The following CDC42BPB variants were observed in gnomAD, a reference collection of about 807,000 sequenced individuals.
CDC42BPB encodes the protein serine/threonine-protein kinase MRCK beta.
A neutral mutation model predicts 214.9 loss-of-function variants in CDC42BPB; 37 were observed. That is an observed-to-expected ratio of 0.17 (90% CI 0.13 to 0.23). The LOEUF (loss-of-function observed/expected upper bound fraction) is 0.23, where lower values mean the gene tolerates loss of function less well. Ranked by LOEUF, CDC42BPB falls within the 10% of genes least tolerant of loss-of-function variation. CDC42BPB has a pLI of 1.00. For synonymous variants in CDC42BPB, 931 were observed against 884.0 expected, an observed-to-expected ratio of 1.05 and a Z score of -0.94; for missense variants, 1,694 against 2,227.0, an observed-to-expected ratio of 0.76 and a Z score of 4.82.
chr14:102,937,465 T>A (rs957273722), intron 36 of CDC42BPB, among the ~76,000 whole-genome samples: 1 of 152,218 alleles, frequency 6.6e-6, no homozygotes, highest in Non-Finnish European at 1.5e-5. Flanking sequence ...GGCTGAGATG[T>A]GTGGTGGAGA....
At chr14:102,950,427 C>T (rs1269125096) in intron 25 of CDC42BPB, 39 bp downstream of exon 25, 1 of 1,609,032 alleles carries the variant, frequency 6.2e-7, no homozygotes, top group Non-Finnish European at 8.5e-7. Context: ...CTGCACCTCA[C>T]AGGCACCGAG....
intron 5 of CDC42BPB, among the ~76,000 whole-genome samples, chr14:102,990,807 G>A (rs1894459075): frequency 6.6e-6 from 1 of 152,194 alleles, no homozygotes; most frequent in Non-Finnish European, 1.5e-5. Context: ...GAGTCGGCTA[G>A]AATGCCAAAT....
chr14:102,940,578 A>C, intron 30 of CDC42BPB: 2 of 960,132 alleles, frequency 2.1e-6, no homozygotes, highest in South Asian at 1.9e-5. Context: ...TACAGTACAG[A>C]TGTTGAAGGT....
rs1296717945 is a variant in CDC42BPB, at chr14:102,968,256, T to C, written c.2343A>G (p.Glu781=). The stretch of plus-strand genomic sequence containing the variant: ...TCAGGTACTTTGAATTAATTACCTT[T>C]TCATTTTCAGCAGTTAGCTTCTTGT... ...DENKKLTAEN[E]KLCSFVDKLT... Residue 781 remains glutamate, a synonymous_variant, in exon 16 of 37, where the codon GAA becomes GAG. Coordinates refer to ENST00000361246, the MANE Select transcript of CDC42BPB (RefSeq NM_006035.4). 4 of 1,610,358 alleles carry C rather than the reference T, an allele frequency of 2.5e-6. No individual in the cohort carries two copies. Among genetic ancestry groups the C allele is most frequent in the African/African-American group, 2.7e-5 (2 of 74,848 alleles).
intron 19 of CDC42BPB, chr14:102,963,426 T>G: frequency 3.3e-6 from 1 of 299,742 alleles, no homozygotes; most frequent in Non-Finnish European, 4.9e-6. Flanking sequence ...CCTAATCTTG[T>G]TCCCAGGCGA....
At chr14:103,027,420 A>G (rs1887113679) in intron 1 of CDC42BPB, among the ~76,000 whole-genome samples, 1 of 152,270 alleles carries the variant, frequency 6.6e-6, no homozygotes, top group South Asian at 2.1e-4. Context: ...AAATTTGTAC[A>G]TGAATATTCA....
intron 25 of CDC42BPB, chr14:102,950,177 G>A (rs1892421194): frequency 2.3e-6 from 2 of 872,374 alleles, no homozygotes; most frequent in Non-Finnish European, 2.8e-6. Flanking sequence ...TCGTAGAGGT[G>A]GGCCTGGCAC....
chr14:102,936,891 G>A (rs141385818), intron 36 of CDC42BPB: 47 of 152,292 alleles, frequency 3.1e-4, no homozygotes, highest in African/African-American at 1.1e-3. Context: ...AGTTATTTTG[G>A]GCCCGGTGTG....
At chr14:102,951,576 G>A (rs1488781277) in intron 24 of CDC42BPB, among the ~76,000 whole-genome samples, 1 of 152,070 alleles carries the variant, frequency 6.6e-6, no homozygotes, top group Non-Finnish European at 1.5e-5. Flanking sequence ...ATCACTTGAG[G>A]TCAGGAGTTC....
Position 102,944,722 on chromosome 14 carries a change from G to A in CDC42BPB, c.3812-235C>T. The A allele has an allele frequency of 1.0e-6, 1 of 959,912 alleles. No individual in the cohort carries two copies. The highest frequency in any genetic ancestry group is 4.8e-5 in the South Asian group (1 of 20,728). The allele number at this position is 959,912 out of a possible 1,614,324, so 59.5% of individuals were successfully genotyped here. A position where few individuals can be genotyped will look rare whatever the true frequency, so the allele number is the denominator to read the frequency against. On this transcript the variant is annotated intron_variant, in intron 29 of 36. Coordinates refer to ENST00000361246, the MANE Select transcript of CDC42BPB (RefSeq NM_006035.4). This position sits in a 1 kb window ranked among gnomAD's most constrained non-coding sequence, Gnocchi z 6.6. ...CAGCGCGCTCCTGGGGCAGCCTCGG[G>A]GGCTGGTCCAAAGGCTCCTCTGCCT...
chr14:102,951,559 C>A (rs1440245846), intron 24 of CDC42BPB, among the ~76,000 whole-genome samples: 1 of 152,124 alleles, frequency 6.6e-6, no homozygotes, highest in Non-Finnish European at 1.5e-5. Context: ...GAGGCCGAGG[C>A]AGGTGGATCA....
chr14:102,978,302 G>T, intron 8 of CDC42BPB, 97 bp from the exon 9 acceptor site: 1 of 1,563,952 alleles, frequency 6.4e-7, no homozygotes, highest in Non-Finnish European at 8.6e-7. Flanking sequence ...GGAGGCACTG[G>T]GCAGAACATG....
At chr14:102,979,057 A>G (rs1893884137) in intron 8 of CDC42BPB, among the ~76,000 whole-genome samples, 1 of 152,166 alleles carries the variant, frequency 6.6e-6, no homozygotes, top group Non-Finnish European at 1.5e-5. Context: ...TTCAGTGTGG[A>G]AGGAGTTGGA....
chr14:102,940,911 G>C (rs1055551057), intron 30 of CDC42BPB, among the ~76,000 whole-genome samples: 1 of 152,232 alleles, frequency 6.6e-6, no homozygotes, highest in Non-Finnish European at 1.5e-5. Flanking sequence ...CGAGGCTAAG[G>C]GCGTCCTGCA....
At chr14:102,938,571 GA>G in intron 34 of CDC42BPB, 160 bp from the exon 35 acceptor site, 2 of 985,308 alleles carry the variant, frequency 2.0e-6, no homozygotes, top group Non-Finnish European at 2.4e-6. Flanking sequence ...GGACAGTCTG[GA>G]ACTAAGAACT....
intron 4 of CDC42BPB, among the ~76,000 whole-genome samples, chr14:103,000,286 G>A (rs1894918788): frequency 6.6e-6 from 1 of 152,268 alleles, no homozygotes; most frequent in Admixed American, 6.5e-5. Context: ...TAACAGGGCT[G>A]AGCCCGTCAC....
chr14:102,964,113 C>T (rs745376913), intron 19 of CDC42BPB, among the ~76,000 whole-genome samples: 2 of 152,216 alleles, frequency 1.3e-5, no homozygotes, highest in Admixed American at 1.3e-4. Context: ...AAAATATTCA[C>T]GTTAGCTTGA....
intron 16 of CDC42BPB, among the ~76,000 whole-genome samples, chr14:102,967,911 C>T (rs576837563): frequency 2.6e-5 from 4 of 151,942 alleles, no homozygotes; most frequent in Admixed American, 2.0e-4. Flanking sequence ...CTGGCTAACA[C>T]GGTGAAAACC....
intron 1 of CDC42BPB, among the ~76,000 whole-genome samples, chr14:103,014,422 T>C (rs998433157): frequency 6.6e-6 from 1 of 152,198 alleles, no homozygotes; most frequent in Non-Finnish European, 1.5e-5. Context: ...CTTTTTCAAA[T>C]TATCTATCAC....
Sources: gnomAD v4.1 joint callset for allele counts (sites outside exome capture counted in the v4.1 genomes callset) on GRCh38, gnomAD v4.1.1 for gene constraint, Gnocchi (gnomAD v3.1) non-coding constraint, MANE v1.5 for transcripts, NCBI Gene and HGNC (gene_info 2026-07-23, HGNC 2026-07-21) for gene names.